PTPN14: variants seen among roughly 807,000 people sequenced by gnomAD.
PTPN14 encodes protein tyrosine phosphatase non-receptor type 14, also known as tyrosine-protein phosphatase non-receptor type 14.
In PTPN14, 53 loss-of-function variants were observed where a neutral mutation model predicts 126.8. The ratio of observed to expected loss-of-function variants is 0.42; its 90% CI spans 0.34 to 0.53. The LOEUF (loss-of-function observed/expected upper bound fraction) is 0.53. PTPN14 is among the 20% of genes least tolerant of loss of function. The probability of loss-of-function intolerance (pLI) is 0.08; values close to 1 mark genes in which losing one functional copy is unlikely to be tolerated. For synonymous variants in PTPN14, 630 were observed against 599.3 expected (o/e 1.05, Z -0.75); for missense variants, 1,257 against 1,552.9 (o/e 0.81, Z 3.20).
At chr1:214,399,528 C>T (rs987911657) in intron 7 of PTPN14, among the ~76,000 whole-genome samples, 1 of 152,090 alleles carries the variant, frequency 6.6e-6, no homozygotes, top group Non-Finnish European at 1.5e-5. Flanking sequence ...TTCTTCAGGG[C>T]TTGTTTAAAG....
Position 214,448,382 on chromosome 1 carries a change from A to C in PTPN14, c.344+3423T>G, listed in dbSNP as rs564610126. 3.4e-5 allele frequency among the ~76,000 whole-genome samples: 5 copies of C among 147,134 alleles called. No individual in the cohort carries two copies. In the East Asian group the frequency reaches 8.0e-4, roughly 24 times the overall value. ...CGTAGCTGGGACTACAGGTGCCCCC[A>C]ACCAAGCCGGGCTAATTTTTTTTTT... On this transcript the variant is annotated intron_variant, in intron 3 of 18. Coordinates refer to ENST00000366956, the MANE Select transcript of PTPN14 (RefSeq NM_005401.5).
At chr1:214,494,725 G>C (rs973472055) in intron 1 of PTPN14, among the ~76,000 whole-genome samples, 2 of 152,154 alleles carry the variant, frequency 1.3e-5, no homozygotes, top group Non-Finnish European at 2.9e-5. Context: ...ACGTCTAAAG[G>C]AAGAGTGGCC....
At chr1:214,536,456 A>G (rs910468687) in intron 1 of PTPN14, among the ~76,000 whole-genome samples, 1 of 152,142 alleles carries the variant, frequency 6.6e-6, no homozygotes, top group Non-Finnish European at 1.5e-5. Flanking sequence ...TTTATAGTAT[A>G]TCAATTGTAA....
At chr1:214,414,872 G>A (rs1659391559) in intron 3 of PTPN14, 146 bp from the exon 4 acceptor site, 1 of 643,822 alleles carries the variant, frequency 1.6e-6, no homozygotes, top group Non-Finnish European at 2.7e-6. Flanking sequence ...TATAAAAGAT[G>A]GAAAGTGACC....
At chr1:214,365,882 G>C (rs1658068656) in intron 17 of PTPN14, among the ~76,000 whole-genome samples, 1 of 152,124 alleles carries the variant, frequency 6.6e-6, no homozygotes, top group Non-Finnish European at 1.5e-5. Flanking sequence ...AAAGAAAGAA[G>C]GGCTGGGCTC....
At chr1:214,539,399 T>C (rs1199306744) in intron 1 of PTPN14, among the ~76,000 whole-genome samples, 2 of 152,198 alleles carry the variant, frequency 1.3e-5, no homozygotes, top group South Asian at 2.1e-4. Context: ...GTCACTATTA[T>C]AGTTTTATCA....
At chr1:214,391,100 CAGAT>C in intron 10 of PTPN14, 55 bp from the exon 11 acceptor site, 3 of 1,315,350 alleles carry the variant, frequency 2.3e-6, no homozygotes, top group Non-Finnish European at 3.2e-6. Flanking sequence ...ATAAAAAGAC[CAGAT>C]AGACAAGGGA....
chr1:214,471,505 T>C (rs1660758587), intron 1 of PTPN14, among the ~76,000 whole-genome samples: 2 of 152,212 alleles, frequency 1.3e-5, no homozygotes, highest in South Asian at 4.1e-4. Context: ...ACAAGTTCCC[T>C]TCCTACTCTT....
At chr1:214,359,652 T>G (rs6703995) in intron 18 of PTPN14, among the ~76,000 whole-genome samples, 33,725 of 151,936 alleles carry the variant, frequency 0.22, 4,767 homozygotes, top group African/African-American at 0.4. Flanking sequence ...CCTGAGTAGC[T>G]GGAACTACAG....
At chr1:214,480,009 T>C (rs1048483564) in intron 1 of PTPN14, among the ~76,000 whole-genome samples, 3 of 152,224 alleles carry the variant, frequency 2.0e-5, no homozygotes, top group African/African-American at 4.8e-5. Context: ...TAAAATTTTT[T>C]CAAAAACAAT....
At chr1:214,484,445 T>C (rs1036797783) in intron 1 of PTPN14, among the ~76,000 whole-genome samples, 1 of 152,144 alleles carries the variant, frequency 6.6e-6, no homozygotes, top group African/African-American at 2.4e-5. Context: ...AATTTGGAAT[T>C]AGAAGTTAGG....
Position 214,533,498 on chromosome 1 carries a change from G to A in PTPN14, c.-155+17685C>T, listed in dbSNP as rs1571652947. The A allele has an allele frequency of 2.1e-5, 10 of 478,468 alleles. No individual in the cohort carries two copies. The South Asian group carries it at 2.3e-4, about 11-fold the overall frequency. 29.6% of individuals were successfully genotyped at this position (478,468 alleles called of 1,614,324 possible). ...CCAGCAGAAGCAGGGTACCCTTTGG[G>A]GAGCAGGAGGCCAATAAAAAGTTCA... On this transcript the variant is annotated intron_variant, in intron 1 of 18. Coordinates refer to ENST00000366956, the MANE Select transcript of PTPN14 (RefSeq NM_005401.5).
At chr1:214,522,361 A>G (rs1218533244) in intron 1 of PTPN14, among the ~76,000 whole-genome samples, 3 of 152,214 alleles carry the variant, frequency 2.0e-5, no homozygotes, top group African/African-American at 7.2e-5. Context: ...AAGTAGGTAC[A>G]ATCACTACCA....
rs1657709986 is a variant in PTPN14 at position 214,351,587 on chromosome 1, CTGCTAA to C, written c.*6329_*6334del. 6.6e-6 allele frequency: 1 copy of C among 152,266 alleles called. No individual in the cohort carries two copies. Among genetic ancestry groups the C allele is most frequent in the Non-Finnish European group, 1.5e-5 (1 of 68,062 alleles). 9.4% of individuals were successfully genotyped at this position (152,266 alleles called of 1,614,324 possible). A position where few individuals can be genotyped will look rare whatever the true frequency, so the allele number is the denominator to read the frequency against. On this transcript the variant is annotated 3_prime_UTR_variant, in exon 19 of 19. Coordinates refer to ENST00000366956, the MANE Select transcript of PTPN14 (RefSeq NM_005401.5). The stretch of plus-strand genomic sequence containing the variant: ...GAGCCACATGGGTAAGCAGAATGCT[CTGCTAA>C]CAAGCAAGGCAAGGAAAGGCTGCCA...
Position 214,464,973 on chromosome 1 carries a change from A to C in PTPN14, c.-154-16T>G. ...TGGAAGATAGCTGTAAATGCAAAAGAAATGCCATGGTCATGCTCCAGAAGG... is the reference window on the plus strand; with the variant it reads ...TGGAAGATAGCTGTAAATGCAAAAGCAATGCCATGGTCATGCTCCAGAAGG... On this transcript the variant is annotated splice_polypyrimidine_tract_variant and intron_variant, in intron 1 of 18. Transcript: ENST00000366956. The C allele has an allele frequency of 1.3e-6, 1 of 780,808 alleles. No individual in the cohort carries two copies. Among genetic ancestry groups the C allele is most frequent in the Non-Finnish European group, 2.0e-6 (1 of 505,204 alleles). 48.4% of individuals were successfully genotyped at this position (780,808 alleles called of 1,614,324 possible). A position where few individuals can be genotyped will look rare whatever the true frequency, so the allele number is the denominator to read the frequency against.
intron 1 of PTPN14, among the ~76,000 whole-genome samples, chr1:214,489,920 C>T (rs773525078): frequency 6.6e-6 from 1 of 152,198 alleles, no homozygotes; most frequent in Non-Finnish European, 1.5e-5. Context: ...AAAATAAAGG[C>T]TAACAGTAGC....
chr1:214,363,376 C>G (rs1658000160), intron 18 of PTPN14, among the ~76,000 whole-genome samples: 1 of 152,058 alleles, frequency 6.6e-6, no homozygotes, highest in African/African-American at 2.4e-5. Context: ...CTTCATGTAG[C>G]AATATTTAAT....
chr1:214,540,461 A>C (rs1655808048), intron 1 of PTPN14, among the ~76,000 whole-genome samples: 1 of 152,148 alleles, frequency 6.6e-6, no homozygotes, highest in African/African-American at 2.4e-5. Flanking sequence ...ATACGGCATA[A>C]TCCTCCTTTA....
At chr1:214,387,275 T>C (rs1658641542) in intron 11 of PTPN14, among the ~76,000 whole-genome samples, 1 of 152,248 alleles carries the variant, frequency 6.6e-6, no homozygotes, top group Admixed American at 6.5e-5. Flanking sequence ...AGGTAAATTA[T>C]TCAAGGCAGG....
Sources: allele counts gnomAD v4.1 joint callset (sites outside exome capture counted in the v4.1 genomes callset), GRCh38; gene constraint gnomAD v4.1.1; transcripts MANE v1.5; gene names NCBI Gene and HGNC (gene_info 2026-07-23, HGNC 2026-07-21).